The following RIC1 variants were observed in gnomAD, a reference collection of about 807,000 sequenced individuals.
The protein encoded by RIC1 is guanine nucleotide exchange factor subunit RIC1.
RIC1 carries 88 observed loss-of-function variants against 169.0 expected under a neutral mutation model. That is an observed-to-expected ratio of 0.52 (90% CI 0.44 to 0.62). The LOEUF (loss-of-function observed/expected upper bound fraction) is 0.62. RIC1 is among the 20% of genes least tolerant of loss of function. RIC1 has a pLI of 0.00. For synonymous variants in RIC1, 790 were observed against 601.5 expected (o/e 1.31, Z -4.59); for missense variants, 1,877 against 1,725.5 (o/e 1.09, Z -1.56).
intron 22 of RIC1, chr9:5,769,661 T>G (rs1458359259): frequency 3.3e-6 from 1 of 299,314 alleles, no homozygotes; most frequent in Non-Finnish European, 6.1e-6. Context: ...GAGGACAAAC[T>G]GAAAGTGTAT....
chr9:5,757,483 T>C (rs1826077828), intron 17 of RIC1, 32 bp downstream of exon 17: 1 of 1,610,256 alleles, frequency 6.2e-7, no homozygotes, highest in African/African-American at 1.3e-5. Context: ...TCTTTGGAGT[T>C]TACATTTCTG....
chr9:5,655,758 A>G (rs552371393), intron 1 of RIC1, among the ~76,000 whole-genome samples: 1 of 152,108 alleles, frequency 6.6e-6, no homozygotes, highest in East Asian at 1.9e-4. Context: ...GGTATATCGT[A>G]TTTGGTTATG....
chr9:5,681,051 C>G (rs1450764162), intron 2 of RIC1, among the ~76,000 whole-genome samples: 1 of 151,602 alleles, frequency 6.6e-6, no homozygotes, highest in African/African-American at 2.4e-5. Flanking sequence ...TGGTCTCGAT[C>G]TCCTGACCTC....
chr9:5,681,280 C>T (rs1586936255), intron 2 of RIC1, among the ~76,000 whole-genome samples: 2 of 152,230 alleles, frequency 1.3e-5, no homozygotes, highest in Admixed American at 1.3e-4. Flanking sequence ...ATCTTTCCTG[C>T]TTTCTCTTGT....
intron 3 of RIC1, among the ~76,000 whole-genome samples, chr9:5,704,916 A>C (rs1302497871): frequency 6.6e-6 from 1 of 152,288 alleles, no homozygotes; most frequent in East Asian, 1.9e-4. Context: ...AGTACAGAGA[A>C]TGTTGTTTCC....
chr9:5,666,731 C>T (rs1220905985), intron 2 of RIC1, among the ~76,000 whole-genome samples: 1 of 152,136 alleles, frequency 6.6e-6, no homozygotes, highest in African/African-American at 2.4e-5. Context: ...GAATGAATCC[C>T]ACTTTGTCAC....
At chr9:5,743,647 A>T in intron 9 of RIC1, 42 bp from the exon 10 acceptor site, 1 of 1,466,710 alleles carries the variant, frequency 6.8e-7, no homozygotes, top group Non-Finnish European at 9.4e-7. Context: ...TATTATATGT[A>T]ATTGGAAGGC....
At chr9:5,657,767 C>T (rs1287166955) in intron 2 of RIC1, among the ~76,000 whole-genome samples, 1 of 152,150 alleles carries the variant, frequency 6.6e-6, no homozygotes, top group African/African-American at 2.4e-5. Flanking sequence ...TGACCATGTA[C>T]CAAATATGCC....
intron 2 of RIC1, among the ~76,000 whole-genome samples, chr9:5,673,216 A>G (rs770326068): frequency 2.6e-5 from 4 of 152,078 alleles, no homozygotes; most frequent in Admixed American, 6.6e-5. Context: ...AAAACTTCCT[A>G]TGGAAGACCA....
intron 1 of RIC1, among the ~76,000 whole-genome samples, chr9:5,643,102 C>G (rs1024443433): frequency 4.0e-5 from 6 of 151,886 alleles, no homozygotes; most frequent in Admixed American, 2.6e-4. Flanking sequence ...GAGTTCAAGA[C>G]CAGTCTGGAC....
At chr9:5,753,674 A>T (rs759446046) in intron 14 of RIC1, 28 bp downstream of exon 14, 6 of 1,194,416 alleles carry the variant, frequency 5.0e-6, no homozygotes, top group Non-Finnish European at 7.4e-6. Flanking sequence ...TTAAAAACCT[A>T]TTTCTCAAAG....
At chr9:5,650,878 T>A (rs1297607794) in intron 1 of RIC1, among the ~76,000 whole-genome samples, 4 of 152,146 alleles carry the variant, frequency 2.6e-5, no homozygotes, top group African/African-American at 9.7e-5. Context: ...CCAAGTGGCA[T>A]TGCATCACTG....
In RIC1 at chr9:5,693,289, A is replaced by G. The variant is rs1002072900; in HGVS notation, c.332+3251A>G. Among the ~76,000 whole-genome samples, 3 of 152,072 alleles carry G rather than the reference A, an allele frequency of 2.0e-5. No homozygotes were observed. In the South Asian group the frequency reaches 6.2e-4, roughly 32 times the overall value. On this transcript the variant is annotated intron_variant, in intron 3 of 25. Transcript: ENST00000414202. ...TTCTAGAGTATCTTAACTTCCCTGT[A>G]TTATGTGACAGCATCTTAACCTCAG...
At chr9:5,673,140 C>G (rs528623390) in intron 2 of RIC1, among the ~76,000 whole-genome samples, 37 of 152,050 alleles carry the variant, frequency 2.4e-4, no homozygotes, top group African/African-American at 8.7e-4. Flanking sequence ...GATGACCATA[C>G]CATCCATGTT....
chr9:5,738,604 A>C, intron 8 of RIC1, 66 bp downstream of exon 8: 1 of 960,460 alleles, frequency 1.0e-6, no homozygotes, highest in Non-Finnish European at 1.5e-6. Context: ...TTTGTAGCAG[A>C]TGCTGATTTT....
intron 2 of RIC1, among the ~76,000 whole-genome samples, chr9:5,665,118 A>T (rs544472703): frequency 6.6e-6 from 1 of 152,136 alleles, no homozygotes; most frequent in South Asian, 2.1e-4. Context: ...GTATATATTG[A>T]GGACATTTAG....
chr9:5,638,986 T>G (rs1277916598), intron 1 of RIC1, among the ~76,000 whole-genome samples: 1 of 152,076 alleles, frequency 6.6e-6, no homozygotes, highest in Non-Finnish European at 1.5e-5. Flanking sequence ...TGCAATCTCG[T>G]CTCACTGTAG....
chr9:5,720,919 G>C (rs982158691), intron 6 of RIC1, among the ~76,000 whole-genome samples, 169 bp downstream of exon 6: 1 of 152,122 alleles, frequency 6.6e-6, no homozygotes, highest in Non-Finnish European at 1.5e-5. Context: ...TCTTGGACAT[G>C]TTAAAGAAAA....
At chr9:5,756,543 A>G (rs1412603648) in intron 16 of RIC1, among the ~76,000 whole-genome samples, 171 bp downstream of exon 16, 1 of 152,250 alleles carries the variant, frequency 6.6e-6, no homozygotes, top group African/African-American at 2.4e-5. Flanking sequence ...ATAGCTAAAA[A>G]AAAAAGAAAT....
Sources: allele counts gnomAD v4.1 joint callset (sites outside exome capture counted in the v4.1 genomes callset), GRCh38; gene constraint gnomAD v4.1.1; transcripts MANE v1.5; gene names NCBI Gene and HGNC (gene_info 2026-07-23, HGNC 2026-07-21).